HOXD8: variants seen among roughly 807,000 people sequenced by gnomAD.
HOXD8 encodes the protein homeobox D8, also known as homeobox protein Hox-D8.
A neutral mutation model predicts 25.4 loss-of-function variants in HOXD8; 17 were observed. The observed-to-expected ratio is 0.67, with a 90% CI of 0.46 to 1.00. The LOEUF (loss-of-function observed/expected upper bound fraction) is 1.00. Ranked by LOEUF, HOXD8 falls within the 50% of genes least tolerant of loss-of-function variation. The pLI, the probability that HOXD8 is intolerant of heterozygous loss-of-function variation, is 0.00. For synonymous variants in HOXD8, 203 were observed against 175.3 expected (o/e 1.16, Z -1.25); for missense variants, 511 against 398.5 (o/e 1.28, Z -2.40).
In HOXD8 at chr2:176,130,777, C is replaced by T. The variant is rs145566116; in HGVS notation, c.411C>T (p.Tyr137=). ...GTCACGGGGAGCCCGCGAAGTTTTA[C>T]GGATACGATAACTTACAGAGACAGC... The part of the protein sequence containing the change: ...IACHGEPAKF[Y]GYDNLQRQPI... The change falls in exon 1 of 2, where the codon TAC becomes TAT. Residue 137 remains tyrosine (Y), a synonymous_variant. Coordinates refer to ENST00000313173, the MANE Select transcript of HOXD8 (RefSeq NM_019558.4). 5.6e-6 allele frequency: 9 copies of T among 1,611,816 alleles called. No homozygotes were observed. In the African/African-American group the frequency reaches 8.0e-5, roughly 14 times the overall value.
chr2:176,130,676 G>A lies in HOXD8; in HGVS notation c.310G>A (p.Ala104Thr), dbSNP rs1478619240. The A allele has an allele frequency of 1.3e-6, 2 of 1,564,002 alleles. No homozygotes were observed. ...FHPGGGSPAA[A>T]YQAAPPPPPH... is the part of the protein sequence containing the mutation. The stretch of plus-strand genomic sequence containing the variant: ...CCCCGGCGGGGGCAGCCCGGCCGCT[G>A]CCTACCAGGCCGCCCCCCCTCCTCC... The change falls in exon 1 of 2, where the codon GCC becomes ACC. Residue 104 changes from alanine to threonine, a missense_variant. Transcript: ENST00000313173.
At position 176,131,639 on chromosome 2, in the gene HOXD8, C is replaced by G; in HGVS notation, c.*27C>G. The G allele has an allele frequency of 8.4e-7, 1 of 1,193,096 alleles. No homozygotes were observed. Among genetic ancestry groups the G allele is most frequent in the Non-Finnish European group, 1.2e-6 (1 of 828,228 alleles). The allele number at this position is 1,193,096 out of a possible 1,614,324, so 73.9% of individuals were successfully genotyped here. A position where few individuals can be genotyped will look rare whatever the true frequency, so the allele number is the denominator to read the frequency against. ...TTCTACCTTTAAAATTTACCACAGA[C>G]TATTAAAACTAATAATCACCATATG... On this transcript the variant is annotated 3_prime_UTR_variant, in exon 2 of 2. Transcript: ENST00000313173.
chr2:176,130,710 C>G lies in HOXD8; in HGVS notation c.344C>G (p.Pro115Arg). ...GCCGCCCCCCCTCCTCCTCCGCATC[C>G]TCCGCCTCCGCCGCCACCTCCCCCC... ...YQAAPPPPPHPPPPPPPPPCG... is the reference protein window; with the variant it reads ...YQAAPPPPPHRPPPPPPPPCG... The change falls in exon 1 of 2, where the codon CCT (proline) becomes CGT (arginine). Residue 115 changes from proline to arginine, a missense_variant. By Grantham distance (103) the Pro-to-Arg change is moderately radical (BLOSUM62 -2). Transcript: ENST00000313173. The G allele has an allele frequency of 6.2e-7, 1 of 1,603,768 alleles. No homozygotes were observed.
chr2:176,130,555 C>T lies in HOXD8; in HGVS notation c.189C>T (p.His63=). The T allele has an allele frequency of 6.8e-7, 1 of 1,464,574 alleles. No individual in the cohort carries two copies. Among genetic ancestry groups the T allele is most frequent in the Admixed American group, 2.6e-5 (1 of 38,386 alleles). The allele number at this position is 1,464,574 out of a possible 1,614,324, so 90.7% of individuals were successfully genotyped here. A position where few individuals can be genotyped will look rare whatever the true frequency, so the allele number is the denominator to read the frequency against. ...LYGNSAAGFP[H]APPQAHAHPH... ...GCAACAGCGCCGCCGGCTTCCCGCA[C>T]GCGCCCCCGCAGGCGCACGCGCACC... is the stretch of plus-strand genomic sequence containing the variant. The change falls in exon 1 of 2, where the codon CAC becomes CAT. Residue 63 remains histidine (H), a synonymous_variant. Coordinates refer to ENST00000313173, the MANE Select transcript of HOXD8 (RefSeq NM_019558.4).
In HOXD8 at chr2:176,131,312, A is replaced by C; in HGVS notation, c.578-5A>C. The C allele has an allele frequency of 1.3e-6, 2 of 1,521,412 alleles. No individual in the cohort carries two copies. 94.2% of individuals were successfully genotyped at this position (1,521,412 alleles called of 1,614,324 possible). A position where few individuals can be genotyped will look rare whatever the true frequency, so the allele number is the denominator to read the frequency against. On this transcript the variant is annotated splice_region_variant and splice_polypyrimidine_tract_variant and intron_variant, in intron 1 of 1. Transcript: ENST00000313173. ...TCCCCCCCCCTTTTTTTTTGTTTTAATCAGCAGCTCCTGGTAGACGAAGAG... is the reference window on the plus strand; with the variant it reads ...TCCCCCCCCCTTTTTTTTTGTTTTACTCAGCAGCTCCTGGTAGACGAAGAG...
Position 176,130,233 on chromosome 2 carries a change from C to G in HOXD8, c.-134C>G. On this transcript the variant is annotated 5_prime_UTR_variant, in exon 1 of 2. Coordinates refer to ENST00000313173, the MANE Select transcript of HOXD8 (RefSeq NM_019558.4). ...CGCGAGCGCGGGCGGGCGGCAGCAG[C>G]GACGTAGCCCGGCGGTCCCGGCGGC... 2 of 416,436 alleles carry G rather than the reference C, an allele frequency of 4.8e-6. No homozygotes were observed. The highest frequency in any genetic ancestry group is 7.7e-6 in the Non-Finnish European group (2 of 261,406). 25.8% of individuals were successfully genotyped at this position (416,436 alleles called of 1,614,324 possible). A position where few individuals can be genotyped will look rare whatever the true frequency, so the allele number is the denominator to read the frequency against.
In HOXD8 at chr2:176,130,582, G is replaced by T. The variant is rs1248739530; in HGVS notation, c.216G>T (p.Pro72=). 1 of 1,458,782 alleles carries T rather than the reference G, an allele frequency of 6.9e-7. No individual in the cohort carries two copies. The highest frequency in any genetic ancestry group is 1.4e-5 in the South Asian group (1 of 72,826). The allele number at this position is 1,458,782 out of a possible 1,614,324, so 90.4% of individuals were successfully genotyped here. A position where few individuals can be genotyped will look rare whatever the true frequency, so the allele number is the denominator to read the frequency against. ...PHAPPQAHAH[P]HPSPPPSGTG... ...CGCCCCCGCAGGCGCACGCGCACCCGCACCCGTCCCCGCCGCCCTCCGGGA... is the reference window on the plus strand; with the variant it reads ...CGCCCCCGCAGGCGCACGCGCACCCTCACCCGTCCCCGCCGCCCTCCGGGA... The change falls in exon 1 of 2, where the codon CCG becomes CCT. Residue 72 remains proline, a synonymous_variant. Coordinates refer to ENST00000313173, the MANE Select transcript of HOXD8 (RefSeq NM_019558.4).
At position 176,131,297 on chromosome 2, in the gene HOXD8, T is replaced by A; in HGVS notation, c.578-20T>A. 1 of 1,457,632 alleles carries A rather than the reference T, an allele frequency of 6.9e-7. No homozygotes were observed. Among genetic ancestry groups the A allele is most frequent in the Admixed American group, 2.3e-5 (1 of 43,946 alleles). 90.3% of individuals were successfully genotyped at this position (1,457,632 alleles called of 1,614,324 possible). A position where few individuals can be genotyped will look rare whatever the true frequency, so the allele number is the denominator to read the frequency against. ...TTTTAAAACTTTTATTCCCCCCCCC[T>A]TTTTTTTTGTTTTAATCAGCAGCTC... On this transcript the variant is annotated intron_variant, in intron 1 of 1. Transcript: ENST00000313173.
rs1024054007 is a variant in HOXD8, at chr2:176,130,735, C to CTGCGGCGG, written c.370_377dup (p.Ile127AlafsTer53). ...CTCCGCCTCCGCCGCCACCTCCCCC[C>CTGCGGCGG]TGCGGCGGGATTGCCTGTCACGGGG... On this transcript the variant is annotated frameshift_variant, in exon 1 of 2. Coordinates refer to ENST00000313173, the MANE Select transcript of HOXD8 (RefSeq NM_019558.4). LOFTEE classifies it high-confidence loss of function. 23 of 1,609,092 alleles carry CTGCGGCGG rather than the reference C, an allele frequency of 1.4e-5. No individual in the cohort carries two copies. The highest frequency in any genetic ancestry group is 1.9e-5 in the Non-Finnish European group (22 of 1,177,504).
rs1690137467 is a variant in HOXD8 at position 176,132,648 on chromosome 2, T to C, written c.*1036T>C. ...GCAGAAAAACCTGAGTGTAAACAAC[T>C]CCGGAATGTCGCTAGCTCCTTAGTA... On this transcript the variant is annotated 3_prime_UTR_variant, in exon 2 of 2. Coordinates refer to ENST00000313173, the MANE Select transcript of HOXD8 (RefSeq NM_019558.4). 6.6e-6 allele frequency: 1 copy of C among 152,164 alleles called. No homozygotes were observed. Among genetic ancestry groups the C allele is most frequent in the Admixed American group, 6.5e-5 (1 of 15,286 alleles). The allele number at this position is 152,164 out of a possible 1,614,324, so 9.4% of individuals were successfully genotyped here. A position where few individuals can be genotyped will look rare whatever the true frequency, so the allele number is the denominator to read the frequency against.
In HOXD8 at chr2:176,131,887, G is replaced by A. The variant is rs1008000341; in HGVS notation, c.*275G>A. 2.9e-5 allele frequency: 9 copies of A among 308,228 alleles called. No homozygotes were observed. Among genetic ancestry groups the A allele is most frequent in the African/African-American group, 1.9e-4 (9 of 46,474 alleles). 19.1% of individuals were successfully genotyped at this position (308,228 alleles called of 1,614,324 possible). On this transcript the variant is annotated 3_prime_UTR_variant, in exon 2 of 2. Transcript: ENST00000313173. ...ATAATGGTTTTTAATGTCTGAGCTA[G>A]TGATTTGCCTCAACAACGTAAACTT... is the stretch of plus-strand genomic sequence containing the variant.
rs1224511174 is a variant in HOXD8, at chr2:176,132,047, T to G, written c.*435T>G. On this transcript the variant is annotated 3_prime_UTR_variant, in exon 2 of 2. Transcript: ENST00000313173. The stretch of plus-strand genomic sequence containing the variant: ...AAAAAAAATTATGTCTGCAGAATAC[T>G]TTATATTATTTGATTACAATGTATT... 2.6e-5 allele frequency: 4 copies of G among 153,414 alleles called. No homozygotes were observed. Among genetic ancestry groups the G allele is most frequent in the African/African-American group, 9.7e-5 (4 of 41,432 alleles). The allele number at this position is 153,414 out of a possible 1,614,324, so 9.5% of individuals were successfully genotyped here.
chr2:176,131,630 TA>T lies in HOXD8; in HGVS notation c.*19del. ...CAAATTAACTTCTACCTTTAAAATT[TA>T]CCACAGACTATTAAAACTAATAATC... On this transcript the variant is annotated 3_prime_UTR_variant, in exon 2 of 2. Coordinates refer to ENST00000313173, the MANE Select transcript of HOXD8 (RefSeq NM_019558.4). 1 of 1,314,136 alleles carries T rather than the reference TA, an allele frequency of 7.6e-7. No homozygotes were observed. The highest frequency in any genetic ancestry group is 1.1e-6 in the Non-Finnish European group (1 of 932,918). The allele number at this position is 1,314,136 out of a possible 1,614,324, so 81.4% of individuals were successfully genotyped here. A position where few individuals can be genotyped will look rare whatever the true frequency, so the allele number is the denominator to read the frequency against.
Position 176,130,726 on chromosome 2 carries a change from A to C in HOXD8, c.360A>C (p.Pro120=). 6.2e-7 allele frequency: 1 copy of C among 1,604,870 alleles called. No homozygotes were observed. Among genetic ancestry groups the C allele is most frequent in the Non-Finnish European group, 8.5e-7 (1 of 1,175,190 alleles). ...PPPPHPPPPP[P]PPPCGGIACH... ...CTCCGCATCCTCCGCCTCCGCCGCC[A>C]CCTCCCCCCTGCGGCGGGATTGCCT... The change falls in exon 1 of 2, where the codon CCA becomes CCC. Residue 120 remains proline (P), a synonymous_variant. Coordinates refer to ENST00000313173, the MANE Select transcript of HOXD8 (RefSeq NM_019558.4).
rs768519056 is a variant in HOXD8 at position 176,130,712 on chromosome 2, C to G, written c.346C>G (p.Pro116Ala). The part of the protein sequence containing the change: ...QAAPPPPPHP[P>A]PPPPPPPCGG... ...CGCCCCCCCTCCTCCTCCGCATCCT[C>G]CGCCTCCGCCGCCACCTCCCCCCTG... The change falls in exon 1 of 2, where the codon CCG becomes GCG. Residue 116 changes from proline (P) to alanine (A), a missense_variant. Transcript: ENST00000313173. 7 of 1,604,278 alleles carry G rather than the reference C, an allele frequency of 4.4e-6. No individual in the cohort carries two copies. The South Asian group carries it at 7.8e-5, about 18-fold the overall frequency.
rs1690081751 is a variant in HOXD8, at chr2:176,130,708, TCCTCCG to T, written c.351_356del (p.Pro122_Pro123del). Reference sequence around the variant, plus strand: ...AGGCCGCCCCCCCTCCTCCTCCGCATCCTCCGCCTCCGCCGCCACCTCCCCCCTGCG... The same window carrying T: ...AGGCCGCCCCCCCTCCTCCTCCGCATCCTCCGCCGCCACCTCCCCCCTGCG... On this transcript the variant is annotated inframe_deletion, in exon 1 of 2. Transcript: ENST00000313173. 14 of 1,602,504 alleles carry T rather than the reference TCCTCCG, an allele frequency of 8.7e-6. No individual in the cohort carries two copies. Among genetic ancestry groups the T allele is most frequent in the Non-Finnish European group, 1.2e-5 (14 of 1,174,002 alleles).
Position 176,131,592 on chromosome 2 carries a change from G to A in HOXD8, c.853G>A (p.Ala285Thr). The change falls in exon 2 of 2, where the codon GCC becomes ACC. Residue 285 changes from alanine to threonine, a missense_variant. Physicochemically the swap from Ala to Thr is moderately conservative, Grantham distance 58. Transcript: ENST00000313173. ...KEAQELEEDR[A>T]EGLTN ...AGCCCAAGAGCTGGAGGAAGACAGA[G>A]CCGAAGGCCTGACAAATTAACTTCT... is the stretch of plus-strand genomic sequence containing the variant. The A allele has an allele frequency of 6.3e-7, 1 of 1,585,196 alleles. No individual in the cohort carries two copies.
At position 176,130,555 on chromosome 2, in the gene HOXD8, C is replaced by G; in HGVS notation, c.189C>G (p.His63Gln). ...LYGNSAAGFP[H>Q]APPQAHAHPH... ...GCAACAGCGCCGCCGGCTTCCCGCA[C>G]GCGCCCCCGCAGGCGCACGCGCACC... The change falls in exon 1 of 2, where the codon CAC becomes CAG. Residue 63 changes from histidine (H) to glutamine (Q), a missense_variant. Physicochemically the swap from His to Gln is conservative, Grantham distance 24. Coordinates refer to ENST00000313173, the MANE Select transcript of HOXD8 (RefSeq NM_019558.4). 1 of 1,464,576 alleles carries G rather than the reference C, an allele frequency of 6.8e-7. No individual in the cohort carries two copies. The highest frequency in any genetic ancestry group is 8.9e-7 in the Non-Finnish European group (1 of 1,118,526). 90.7% of individuals were successfully genotyped at this position (1,464,576 alleles called of 1,614,324 possible).
chr2:176,131,466 A>G lies in HOXD8; in HGVS notation c.727A>G (p.Ile243Val), dbSNP rs1168064062. 1 of 1,614,036 alleles carries G rather than the reference A, an allele frequency of 6.2e-7. No individual in the cohort carries two copies. The highest frequency in any genetic ancestry group is 2.2e-5 in the East Asian group (1 of 44,872). Residue 243 changes from isoleucine to valine, a missense_variant, in exon 2 of 2, where the codon ATC becomes GTC. Coordinates refer to ENST00000313173, the MANE Select transcript of HOXD8 (RefSeq NM_019558.4). ...AGCCCTCACCGAGAGACAGGTAAAA[A>G]TCTGGTTCCAGAACAGGAGAATGAA... is the stretch of plus-strand genomic sequence containing the variant. ...ALALTERQVK[I>V]WFQNRRMKWK...
Sources: allele counts gnomAD v4.1 joint callset, GRCh38; gene constraint gnomAD v4.1.1; transcripts MANE v1.5; gene names NCBI Gene and HGNC (gene_info 2026-07-23, HGNC 2026-07-21).